The following CRTC1 variants were observed in gnomAD, a reference collection of about 807,000 sequenced individuals.
CRTC1 encodes the protein CREB regulated transcription coactivator 1.
Under a neutral mutation model 66.1 loss-of-function variants are expected in CRTC1, and 18 were observed. The observed-to-expected ratio is 0.27, with a 90% CI of 0.19 to 0.40. The LOEUF (loss-of-function observed/expected upper bound fraction) is 0.40. Among genes scored for constraint, CRTC1 ranks in the 10% least tolerant of loss-of-function variants. The probability of loss-of-function intolerance (pLI) is 1.00; values close to 1 mark genes in which losing one functional copy is unlikely to be tolerated. For synonymous variants in CRTC1, 416 were observed against 398.8 expected, an observed-to-expected ratio of 1.04 and a Z score of -0.51; for missense variants, 669 against 887.9, an observed-to-expected ratio of 0.75 and a Z score of 3.13.
At chr19:18,739,941 C>G (rs995985910) in intron 1 of CRTC1, among the ~76,000 whole-genome samples, 2 of 152,092 alleles carry the variant, frequency 1.3e-5, no homozygotes, top group Admixed American at 1.3e-4. Context: ...TTTATTGCAG[C>G]GAAAGGACAC....
intron 5 of CRTC1, among the ~76,000 whole-genome samples, chr19:18,752,640 T>G (rs987738212): frequency 5.3e-5 from 8 of 151,144 alleles, no homozygotes; most frequent in African/African-American, 1.7e-4. Flanking sequence ...TGTCTCTCTT[T>G]CTTTCTTTTT....
chr19:18,725,027 C>G (rs911959154), intron 1 of CRTC1, among the ~76,000 whole-genome samples: 1 of 152,064 alleles, frequency 6.6e-6, no homozygotes, highest in East Asian at 2.0e-4. Context: ...TCCTGTTGGT[C>G]CGTCCCTTGG....
chr19:18,778,818 T>C lies in CRTC1; in HGVS notation c.*1436T>C, dbSNP rs1450831591. On this transcript the variant is annotated 3_prime_UTR_variant, in exon 14 of 14. Transcript: ENST00000321949. ...CTGAGAACCTGGGTGGAACTGGCAT[T>C]TCATCCCCTCTCCACCCTACCCTCT... is the stretch of plus-strand genomic sequence containing the variant. 1 of 231,132 alleles carries C rather than the reference T, an allele frequency of 4.3e-6. No homozygotes were observed. Among genetic ancestry groups the C allele is most frequent in the Non-Finnish European group, 8.6e-6 (1 of 116,822 alleles). The allele number at this position is 231,132 out of a possible 1,614,324, so 14.3% of individuals were successfully genotyped here. A position where few individuals can be genotyped will look rare whatever the true frequency, so the allele number is the denominator to read the frequency against.
rs1239089689 is a variant in CRTC1, at chr19:18,768,084, G to A, written c.1012-401G>A. Reference sequence around the variant, plus strand: ...GAGTGGGCAAGGCTTTGGGCGGGGGGGTTTGGGAAGGCAAGGCCAGTGGAT... The same window carrying A: ...GAGTGGGCAAGGCTTTGGGCGGGGGAGTTTGGGAAGGCAAGGCCAGTGGAT... On this transcript the variant is annotated intron_variant, in intron 9 of 13. Transcript: ENST00000321949. This position sits in a 1 kb window ranked among gnomAD's most constrained non-coding sequence, Gnocchi z 5.6. Among the ~76,000 whole-genome samples the A allele has an allele frequency of 3.3e-5, 5 of 152,226 alleles. No individual in the cohort carries two copies. The highest frequency in any genetic ancestry group is 9.6e-5 in the African/African-American group (4 of 41,462).
At chr19:18,723,642 G>A (rs2053678548) in intron 1 of CRTC1, among the ~76,000 whole-genome samples, 1 of 152,222 alleles carries the variant, frequency 6.6e-6, no homozygotes. Context: ...TAAAAGACCT[G>A]AGAGAGAACT....
At chr19:18,752,443 C>A (rs894585466) in intron 5 of CRTC1, among the ~76,000 whole-genome samples, 65 of 152,276 alleles carry the variant, frequency 4.3e-4, no homozygotes, top group African/African-American at 1.5e-3. Flanking sequence ...CTCAGCCTCT[C>A]GCATAGCTGG....
chr19:18,775,741 C>T lies in CRTC1; in HGVS notation c.1613C>T (p.Thr538Met), dbSNP rs754165862. The stretch of plus-strand genomic sequence containing the variant: ...TCGCAGGCGGCCATGATGGGCCTCA[C>T]GGGCAGCCACGGGAGCCTGCCGGAC... Reference protein sequence around the residue: ...NYSQAAMMGLTGSHGSLPDSQ... With the variant: ...NYSQAAMMGLMGSHGSLPDSQ... The change falls in exon 13 of 14, where the codon ACG becomes ATG. Residue 538 changes from threonine (T) to methionine (M), a missense_variant. By Grantham distance (81) the Thr-to-Met change is moderately conservative. Around this residue, in one of 8 missense-constraint regions of CRTC1, gnomAD observed 79 missense variants for 100.1 expected, o/e 0.79. Transcript: ENST00000321949. 6 of 1,612,320 alleles carry T rather than the reference C, an allele frequency of 3.7e-6. No individual in the cohort carries two copies. Among genetic ancestry groups the T allele is most frequent in the South Asian group, 1.1e-5 (1 of 91,046 alleles).
Position 18,747,103 on chromosome 19 carries a change from C to G in CRTC1, c.432C>G (p.Thr144=), listed in dbSNP as rs150910149. The part of the protein sequence containing the change: ...GTMYLSPPAD[T]SWRRTNSDSA... ...TGTACCTCTCACCACCCGCGGACAC[C>G]AGCTGGAGAAGGTCAGTGGCTGGAC... Residue 144 remains threonine, a synonymous_variant, in exon 4 of 14, where the codon ACC becomes ACG. Transcript: ENST00000321949. The G allele has an allele frequency of 3.7e-5, 60 of 1,611,696 alleles. No homozygotes were observed. In the African/African-American group the frequency reaches 5.9e-4, roughly 16 times the overall value.
At chr19:18,725,388 A>T (rs2053726082) in intron 1 of CRTC1, among the ~76,000 whole-genome samples, 1 of 152,108 alleles carries the variant, frequency 6.6e-6, no homozygotes, top group Non-Finnish European at 1.5e-5. Flanking sequence ...GCTCTCTGTC[A>T]TCGCTTGGTT....
At chr19:18,765,558 A>AG (rs1458106587) in intron 9 of CRTC1, 30 bp downstream of exon 9, 2 of 1,580,070 alleles carry the variant, frequency 1.3e-6, no homozygotes, top group East Asian at 2.3e-5. Flanking sequence ...GGCAGGTGGG[A>AG]GGGGGAAAGG....
chr19:18,743,141 A>G (rs1397828067), intron 2 of CRTC1, 115 bp downstream of exon 2: 5 of 809,988 alleles, frequency 6.2e-6, no homozygotes, highest in Non-Finnish European at 1.0e-5. Context: ...GAGCCCACCC[A>G]ACCACTGCCT....
intron 11 of CRTC1, among the ~76,000 whole-genome samples, chr19:18,772,157 G>T (rs2054884348): frequency 6.6e-6 from 1 of 152,082 alleles, no homozygotes; most frequent in African/African-American, 2.4e-5. Context: ...AGCACCGTAG[G>T]ACCCTGGCTT....
chr19:18,771,656 C>G lies in CRTC1; in HGVS notation c.1425+110C>G. The G allele has an allele frequency of 1.3e-6, 1 of 799,728 alleles. No homozygotes were observed. The highest frequency in any genetic ancestry group is 2.1e-6 in the Non-Finnish European group (1 of 481,682). 49.5% of individuals were successfully genotyped at this position (799,728 alleles called of 1,614,324 possible). A position where few individuals can be genotyped will look rare whatever the true frequency, so the allele number is the denominator to read the frequency against. On this transcript the variant is annotated intron_variant, in intron 11 of 13. Transcript: ENST00000321949. The surrounding 1 kb of genome is among the most constrained non-coding windows in gnomAD (Gnocchi z 4.6). Reference sequence around the variant, plus strand: ...CTCATGCATCGCTCCTCATGCATGTCCTCATGCATCCCATCCCGTCCACGC... The same window carrying G: ...CTCATGCATCGCTCCTCATGCATGTGCTCATGCATCCCATCCCGTCCACGC...
intron 1 of CRTC1, among the ~76,000 whole-genome samples, chr19:18,723,137 C>T (rs948688411): frequency 3.0e-4 from 45 of 152,206 alleles, no homozygotes; most frequent in Middle Eastern, 3.4e-3. Flanking sequence ...GATGGGGTTT[C>T]ACCATGTTGG....
chr19:18,763,745 C>T (rs1045345296), intron 8 of CRTC1, among the ~76,000 whole-genome samples: 10 of 152,232 alleles, frequency 6.6e-5, no homozygotes, highest in Admixed American at 4.6e-4. Flanking sequence ...AGGCCCCACC[C>T]GCCCCTGTCG....
intron 1 of CRTC1, among the ~76,000 whole-genome samples, chr19:18,721,927 T>C (rs776381223): frequency 6.6e-6 from 1 of 152,206 alleles, no homozygotes; most frequent in Non-Finnish European, 1.5e-5. Flanking sequence ...TGGCCCTTAC[T>C]GAGGTCCCCC....
chr19:18,766,064 A>C (rs2054727610), intron 9 of CRTC1, among the ~76,000 whole-genome samples: 1 of 149,856 alleles, frequency 6.7e-6, no homozygotes. Context: ...GAATTTGTCC[A>C]TTTCGTCTTT....
intron 5 of CRTC1, among the ~76,000 whole-genome samples, chr19:18,750,688 C>T (rs2054344456): frequency 6.6e-6 from 1 of 152,138 alleles, no homozygotes; most frequent in Non-Finnish European, 1.5e-5. Flanking sequence ...GGTTAACACG[C>T]AAGGGAGATT....
chr19:18,757,631 T>C (rs2054518720), intron 6 of CRTC1, among the ~76,000 whole-genome samples: 1 of 152,062 alleles, frequency 6.6e-6, no homozygotes, highest in Non-Finnish European at 1.5e-5. Context: ...CCCAACACTT[T>C]GGGAGGCTGA....
Sources: allele counts gnomAD v4.1 joint callset (sites outside exome capture counted in the v4.1 genomes callset), GRCh38; gene constraint gnomAD v4.1.1; regional missense constraint gnomAD v4.1.1; non-coding constraint Gnocchi (gnomAD v3.1); transcripts MANE v1.5; gene names NCBI Gene and HGNC (gene_info 2026-07-23, HGNC 2026-07-21).